Variants in TG observed in about 807,000 individuals in gnomAD.
The protein encoded by TG is thyroid hormones.
A neutral mutation model predicts 324.7 loss-of-function variants in TG; 270 were observed. That is an observed-to-expected ratio of 0.83 (90% CI 0.75 to 0.92). The LOEUF (loss-of-function observed/expected upper bound fraction) is 0.92, where lower values mean the gene tolerates loss of function less well. TG is among the 40% of genes least tolerant of loss of function. The pLI, the probability that TG is intolerant of heterozygous loss-of-function variation, is 0.00. For missense variants in TG, 3,591 were observed against 3,456.4 expected (o/e 1.04, Z -0.98); for synonymous variants, 1,401 against 1,327.0 (o/e 1.06, Z -1.21).
intron 27 of TG, among the ~76,000 whole-genome samples, chr8:132,960,598 A>G (rs1313728532): frequency 6.6e-6 from 1 of 152,252 alleles, no homozygotes; most frequent in Non-Finnish European, 1.5e-5. Context: ...GTTTATACAC[A>G]GTATTCCCAT....
chr8:133,113,974 C>T (rs1055484679), intron 44 of TG, among the ~76,000 whole-genome samples: 1 of 152,232 alleles, frequency 6.6e-6, no homozygotes, highest in Non-Finnish European at 1.5e-5. Context: ...ACGCTCCTGG[C>T]CTTGCATTCA....
intron 35 of TG, among the ~76,000 whole-genome samples, chr8:132,991,448 G>A (rs1029516691): frequency 1.3e-5 from 2 of 152,198 alleles, no homozygotes; most frequent in African/African-American, 4.8e-5. Flanking sequence ...CCAGGTGAGT[G>A]GCCACTGATT....
chr8:132,940,747 G>A (rs1824333179), intron 25 of TG, among the ~76,000 whole-genome samples: 1 of 152,224 alleles, frequency 6.6e-6, no homozygotes, highest in South Asian at 2.1e-4. Flanking sequence ...GGGATCATGG[G>A]TATTGTGTAC....
intron 41 of TG, among the ~76,000 whole-genome samples, chr8:133,082,946 G>C (rs1845979553): frequency 6.6e-6 from 1 of 152,226 alleles, no homozygotes; most frequent in South Asian, 2.1e-4. Context: ...TAACCGACTA[G>C]ATGGGTGTGA....
intron 41 of TG, among the ~76,000 whole-genome samples, chr8:133,055,197 G>T (rs927465467): frequency 1.3e-5 from 2 of 152,106 alleles, no homozygotes; most frequent in Non-Finnish European, 2.9e-5. Flanking sequence ...AGTTGTCAGG[G>T]TTAGCATAAG....
chr8:132,941,658 C>G, intron 26 of TG, 116 bp downstream of exon 26: 1 of 1,179,800 alleles, frequency 8.5e-7, no homozygotes, highest in Non-Finnish European at 1.2e-6. Context: ...TGCCTACACC[C>G]AAAGAGAAGG....
chr8:133,102,881 G>A, intron 43 of TG: 1 of 334,212 alleles, frequency 3.0e-6, no homozygotes, highest in South Asian at 2.8e-5. Flanking sequence ...TCGTCTGGGA[G>A]CAGGTGGAGT....
At chr8:132,988,816 G>T in intron 35 of TG, 1 of 985,430 alleles carries the variant, frequency 1.0e-6, no homozygotes, top group East Asian at 1.1e-4. Context: ...CTTCCCAAAT[G>T]TGGGATCTCC....
In TG at chr8:132,933,571, G is replaced by A. The variant is rs1228338271; in HGVS notation, c.4827G>A (p.Glu1609=). Residue 1609 remains glutamate (E), a synonymous_variant, in exon 24 of 48, where the codon GAG becomes GAA. Transcript: ENST00000220616. ...PVMQCLTDCT[E]DEACSFFTVS... ...CCATGGTGCTTGCAGATTGCACAGA[G>A]GACGAGGCCTGCAGCTTCTTCACCG... 1 of 1,614,064 alleles carries A rather than the reference G, an allele frequency of 6.2e-7. No individual in the cohort carries two copies. Among genetic ancestry groups the A allele is most frequent in the Non-Finnish European group, 8.5e-7 (1 of 1,179,998 alleles).
intron 41 of TG, among the ~76,000 whole-genome samples, chr8:133,034,312 GTTT>G (rs1288016277): frequency 6.6e-6 from 1 of 152,142 alleles, no homozygotes; most frequent in African/African-American, 2.4e-5. Context: ...TTTTTGTACA[GTTT>G]TGAACATGTT....
intron 43 of TG, among the ~76,000 whole-genome samples, chr8:133,100,604 T>C (rs951737806): frequency 3.3e-5 from 5 of 152,218 alleles, no homozygotes; most frequent in Non-Finnish European, 7.3e-5. Context: ...TTATTACTAT[T>C]TTTCAGAGAG....
chr8:132,933,456 G>T (rs1823092824), intron 23 of TG, 105 bp from the exon 24 acceptor site: 2 of 809,328 alleles, frequency 2.5e-6, no homozygotes, highest in Admixed American at 1.8e-5. Context: ...GTGTGTGTGT[G>T]TGTGTGTGTT....
intron 27 of TG, among the ~76,000 whole-genome samples, chr8:132,958,724 T>C (rs1038001423): frequency 7.3e-6 from 1 of 136,186 alleles, no homozygotes; most frequent in Non-Finnish European, 1.6e-5. Flanking sequence ...AAAAAAAAGT[T>C]TCAAAAAAAT....
chr8:133,049,148 G>A (rs1160298632), intron 41 of TG: 3 of 456,308 alleles, frequency 6.6e-6, no homozygotes, highest in East Asian at 6.9e-5. Flanking sequence ...GGGCTCCAAA[G>A]CCACCCAGGA....
At chr8:132,867,495 A>G (rs114601715) in intron 1 of TG, among the ~76,000 whole-genome samples, 4,352 of 147,460 alleles carry the variant, frequency 0.03, 149 homozygotes, top group East Asian at 0.089. Flanking sequence ...ACTTACCCAT[A>G]TGACTTCGGG....
intron 45 of TG, among the ~76,000 whole-genome samples, chr8:133,129,750 G>A (rs1302981028): frequency 6.6e-6 from 1 of 152,140 alleles, no homozygotes; most frequent in Non-Finnish European, 1.5e-5. Context: ...ACCTGCCTTG[G>A]CCTCCCAAAG....
chr8:133,038,519 C>A (rs757981630), intron 41 of TG: 2 of 1,602,626 alleles, frequency 1.2e-6, no homozygotes, highest in East Asian at 2.2e-5. Context: ...TGTGTCTGTT[C>A]TTGGCTAGTC....
At chr8:133,021,357 C>A (rs1389508510) in intron 39 of TG, among the ~76,000 whole-genome samples, 2 of 152,164 alleles carry the variant, frequency 1.3e-5, no homozygotes, top group Non-Finnish European at 2.9e-5. Context: ...AAACCATGGG[C>A]CAGAACTGGG....
intron 35 of TG, among the ~76,000 whole-genome samples, chr8:133,003,796 C>T (rs1168260315): frequency 6.6e-6 from 1 of 152,152 alleles, no homozygotes; most frequent in Non-Finnish European, 1.5e-5. Flanking sequence ...TCCTTCTCCT[C>T]TGCCCTTGTC....
Sources: gnomAD v4.1 joint callset for allele counts (sites outside exome capture counted in the v4.1 genomes callset) on GRCh38, gnomAD v4.1.1 for gene constraint, MANE v1.5 for transcripts, NCBI Gene and HGNC (gene_info 2026-07-23, HGNC 2026-07-21) for gene names.